CCDC73: variants seen among roughly 807,000 people sequenced by gnomAD.
CCDC73 encodes the protein coiled-coil domain containing 73, also known as coiled-coil domain-containing protein 73.
Under a neutral mutation model 116.5 loss-of-function variants are expected in CCDC73, and 95 were observed. The ratio of observed to expected loss-of-function variants is 0.82; its 90% CI spans 0.69 to 0.97. CCDC73 has a LOEUF of 0.97. Ranked by LOEUF, CCDC73 falls within the 50% of genes least tolerant of loss-of-function variation. CCDC73 has a pLI of 0.00. For missense variants in CCDC73, 1,066 were observed against 1,206.8 expected, an observed-to-expected ratio of 0.88 and a Z score of 1.73; for synonymous variants, 398 against 401.3, an observed-to-expected ratio of 0.99 and a Z score of 0.10.
chr11:32,717,246 G>A (rs1849954101), intron 3 of CCDC73, among the ~76,000 whole-genome samples: 1 of 152,154 alleles, frequency 6.6e-6, no homozygotes, highest in Non-Finnish European at 1.5e-5. Flanking sequence ...GGTTTTAGTT[G>A]TTAAGATTAC....
intron 2 of CCDC73, chr11:32,758,641 T>TAA: frequency 3.3e-6 from 1 of 303,492 alleles, no homozygotes; most frequent in African/African-American, 2.2e-5. Flanking sequence ...TCTTGGGTAA[T>TAA]AAAAGAAAAA....
intron 1 of CCDC73, among the ~76,000 whole-genome samples, chr11:32,785,168 G>GAA (rs1329861817): frequency 2.0e-5 from 3 of 150,412 alleles, no homozygotes; most frequent in Non-Finnish European, 4.4e-5. Context: ...TCCATCTCAG[G>GAA]AAAAAAAAAG....
intron 13 of CCDC73, among the ~76,000 whole-genome samples, chr11:32,636,373 G>A (rs1235506580): frequency 6.6e-6 from 1 of 151,812 alleles, no homozygotes; most frequent in Non-Finnish European, 1.5e-5. Context: ...GCACTAAGTG[G>A]TACCACAGAA....
At position 32,618,367 on chromosome 11, in the gene CCDC73, C is replaced by T. The variant is rs181236528; in HGVS notation, c.1186-2238G>A. Among the ~76,000 whole-genome samples, 207 of 152,028 alleles carry T rather than the reference C, an allele frequency of 1.4e-3. 1 individual carries two copies. The highest frequency in any genetic ancestry group is 1.6e-3 in the Non-Finnish European group (112 of 67,978). On this transcript the variant is annotated intron_variant, in intron 14 of 17. Transcript: ENST00000335185. ...AAGTACATGTGTCTTTTTGGTAGAG[C>T]GATTTATTTTCTTTTGGCTATATAC...
chr11:32,614,664 G>T lies in CCDC73; in HGVS notation c.1654C>A (p.Leu552Ile), dbSNP rs759088510. Reference sequence around the variant, plus strand: ...ACATCTAATCCTCTGGTTCTTTCTAGATGTATTTTTTCTGTTTCTATTGCT... The same window carrying T: ...ACATCTAATCCTCTGGTTCTTTCTATATGTATTTTTTCTGTTTCTATTGCT... ...DTAIETEKIH[L>I]ERTRGLDVHH... Residue 552 changes from leucine to isoleucine, a missense_variant, in exon 16 of 18, where the codon CTA (leucine) becomes ATA (isoleucine). Transcript: ENST00000335185. 8.1e-6 allele frequency: 13 copies of T among 1,612,928 alleles called. No individual in the cohort carries two copies. Among genetic ancestry groups the T allele is most frequent in the Non-Finnish European group, 1.1e-5 (13 of 1,179,452 alleles).
Position 32,632,386 on chromosome 11 carries a change from C to T in CCDC73, c.1185+3310G>A, listed in dbSNP as rs1855639559. Among the ~76,000 whole-genome samples the T allele has an allele frequency of 3.3e-5, 5 of 152,094 alleles. No homozygotes were observed. In the South Asian group the frequency reaches 1.0e-3, roughly 32 times the overall value. The stretch of plus-strand genomic sequence containing the variant: ...AACTACAGGCGCGTGCCACCATGCC[C>T]GGATAATTTTTCCTATTTTAATAGA... On this transcript the variant is annotated intron_variant, in intron 14 of 17. Transcript: ENST00000335185.
chr11:32,611,887 A>G (rs1487465337), intron 16 of CCDC73, among the ~76,000 whole-genome samples: 1 of 152,164 alleles, frequency 6.6e-6, no homozygotes, highest in African/African-American at 2.4e-5. Context: ...ATATCACTGA[A>G]ATTTAATTAC....
rs558987438 is a variant in CCDC73, at chr11:32,609,568, C to T, written c.3030+1564G>A. Among the ~76,000 whole-genome samples the T allele has an allele frequency of 3.3e-5, 5 of 151,966 alleles. No homozygotes were observed. In the South Asian group the frequency reaches 1.0e-3, roughly 32 times the overall value. On this transcript the variant is annotated intron_variant, in intron 17 of 17. Transcript: ENST00000335185. ...TGTCTTCTGAGCCCTCCAAACTGTT[C>T]CAACCTTGGCCTGTTACCCAGTTCC...
chr11:32,642,286 A>G (rs1680775211), intron 12 of CCDC73, among the ~76,000 whole-genome samples: 1 of 152,012 alleles, frequency 6.6e-6, no homozygotes, highest in Non-Finnish European at 1.5e-5. Context: ...AGGTTTTGAT[A>G]AAGAAATGGC....
intron 2 of CCDC73, among the ~76,000 whole-genome samples, chr11:32,719,719 G>C (rs1413926952): frequency 6.6e-6 from 1 of 152,090 alleles, no homozygotes. Flanking sequence ...AGAGCTAAAA[G>C]AGACCACGTA....
chr11:32,717,463 T>C (rs1354028661), intron 3 of CCDC73, among the ~76,000 whole-genome samples: 1 of 152,180 alleles, frequency 6.6e-6, no homozygotes, highest in Non-Finnish European at 1.5e-5. Context: ...AGATGTAAAA[T>C]AGTTTTCAGA....
At chr11:32,620,164 C>T (rs978285056) in intron 14 of CCDC73, among the ~76,000 whole-genome samples, 3 of 152,166 alleles carry the variant, frequency 2.0e-5, no homozygotes, top group African/African-American at 4.8e-5. Flanking sequence ...TCATCTACAG[C>T]TCCATCATGT....
chr11:32,791,473 C>T (rs1295200439), intron 1 of CCDC73, among the ~76,000 whole-genome samples: 2 of 152,142 alleles, frequency 1.3e-5, no homozygotes, highest in Non-Finnish European at 2.9e-5. Flanking sequence ...AACTTTAATC[C>T]GTATTTCCCA....
intron 2 of CCDC73, among the ~76,000 whole-genome samples, chr11:32,753,664 C>T (rs187998573): frequency 6.6e-6 from 1 of 152,194 alleles, no homozygotes; most frequent in Admixed American, 6.5e-5. Flanking sequence ...TGGGGCTTCA[C>T]CATGTTGGCC....
chr11:32,680,476 A>G (rs1304293265), intron 7 of CCDC73: 1 of 152,166 alleles, frequency 6.6e-6, no homozygotes, highest in Non-Finnish European at 1.5e-5. Context: ...ACCTCATTTT[A>G]AACAAATCTA....
chr11:32,802,198 T>G, the CCDC73 span, among the ~76,000 whole-genome samples: 1 of 152,322 alleles, frequency 6.6e-6, no homozygotes, highest in South Asian at 2.1e-4. Flanking sequence ...TGCACTAACA[T>G]TTATAGTTCT....
intron 17 of CCDC73, among the ~76,000 whole-genome samples, chr11:32,606,809 T>A: frequency 6.0e-5 from 2 of 33,304 alleles, no homozygotes; most frequent in Non-Finnish European, 8.6e-5. Flanking sequence ...ATAAATTCTT[T>A]TTTTTTTTTT....
intron 14 of CCDC73, among the ~76,000 whole-genome samples, chr11:32,630,650 T>C (rs1040541512): frequency 6.6e-6 from 1 of 152,172 alleles, no homozygotes; most frequent in Non-Finnish European, 1.5e-5. Context: ...GCTGTTTTTG[T>C]AAATATAATT....
At chr11:32,684,457 A>T (rs1856175661) in intron 6 of CCDC73, among the ~76,000 whole-genome samples, 1 of 152,180 alleles carries the variant, frequency 6.6e-6, no homozygotes, top group Admixed American at 6.5e-5. Context: ...TATAATAAAC[A>T]CTTTTCTGTG....
Sources: gnomAD v4.1 joint callset for allele counts (sites outside exome capture counted in the v4.1 genomes callset) on GRCh38, gnomAD v4.1.1 for gene constraint, MANE v1.5 for transcripts, NCBI Gene and HGNC (gene_info 2026-07-23, HGNC 2026-07-21) for gene names.